Variants in HSDL2 observed in about 807,000 individuals in gnomAD.
HSDL2 encodes hydroxysteroid dehydrogenase-like protein 2.
In HSDL2, 27 loss-of-function variants were observed where a neutral mutation model predicts 46.3. The ratio of observed to expected loss-of-function variants is 0.58; its 90% CI spans 0.43 to 0.80. The LOEUF (loss-of-function observed/expected upper bound fraction) is 0.80, where lower values mean the gene tolerates loss of function less well. Ranked by LOEUF, HSDL2 falls within the 30% of genes least tolerant of loss-of-function variation. The probability of loss-of-function intolerance (pLI) is 0.00; values close to 1 mark genes in which losing one functional copy is unlikely to be tolerated. For synonymous variants in HSDL2, 153 were observed against 163.6 expected, an observed-to-expected ratio of 0.94 and a Z score of 0.50; for missense variants, 451 against 502.7, an observed-to-expected ratio of 0.90 and a Z score of 0.98.
At chr9:112,466,093 T>C (rs1346680832) in intron 10 of HSDL2, among the ~76,000 whole-genome samples, 1 of 152,230 alleles carries the variant, frequency 6.6e-6, no homozygotes, top group East Asian at 1.9e-4. Context: ...ATTGCCACCC[T>C]AGTGGATGTG....
Position 112,408,964 on chromosome 9 carries a change from C to CA in HSDL2, c.339dup (p.Pro114ThrfsTer21), listed in dbSNP as rs779928739. 6.2e-7 allele frequency: 1 copy of CA among 1,609,156 alleles called. No homozygotes were observed. The highest frequency in any genetic ancestry group is 8.5e-7 in the Non-Finnish European group (1 of 1,176,836). On this transcript the variant is annotated frameshift_variant, in exon 4 of 11. Coordinates refer to ENST00000398805, the MANE Select transcript of HSDL2 (RefSeq NM_032303.5). LOFTEE classifies it high-confidence loss of function. ...ATTAGTTTGACCAATACATTGGACA[C>CA]ACCTACCAAGAGATTGGATCTGATG...
intron 10 of HSDL2, among the ~76,000 whole-genome samples, chr9:112,469,362 T>G (rs570108384): frequency 9.9e-5 from 15 of 152,130 alleles, no homozygotes; most frequent in African/African-American, 3.6e-4. Flanking sequence ...CTAGAAGATA[T>G]GTCATCTATA....
At chr9:112,434,658 G>A (rs1451851598) in intron 6 of HSDL2, among the ~76,000 whole-genome samples, 4 of 152,186 alleles carry the variant, frequency 2.6e-5, no homozygotes, top group Non-Finnish European at 5.9e-5. Context: ...ATACACACAT[G>A]AGTGTGTGGA....
intron 8 of HSDL2, among the ~76,000 whole-genome samples, chr9:112,448,722 T>TAA (rs1564128506): frequency 5.9e-5 from 9 of 151,676 alleles, no homozygotes; most frequent in African/African-American, 1.5e-4. Context: ...TTTTTTTTTT[T>TAA]ATTTTTTTAT....
rs1238772697 is a variant in HSDL2 at position 112,471,344 on chromosome 9, T to C, written c.*800T>C. The C allele has an allele frequency of 6.6e-6, 1 of 152,182 alleles. No homozygotes were observed. The highest frequency in any genetic ancestry group is 1.5e-5 in the Non-Finnish European group (1 of 68,052). 9.4% of individuals were successfully genotyped at this position (152,182 alleles called of 1,614,324 possible). A position where few individuals can be genotyped will look rare whatever the true frequency, so the allele number is the denominator to read the frequency against. ...TGTGACTGTTCGGAGATGAGGCCTT[T>C]AAAGAGGTGACTTAAGTTCAAAGGA... is the stretch of plus-strand genomic sequence containing the variant. On this transcript the variant is annotated 3_prime_UTR_variant, in exon 11 of 11. Transcript: ENST00000398805.
rs1831707486 is a variant in HSDL2, at chr9:112,405,605, T to G, written c.182-19T>G. ...TTTAAATGCTTTAACGCTTTTTCAT[T>G]TTGTATCCTTTATATAAGTTGAAGC... On this transcript the variant is annotated intron_variant, in intron 2 of 10. Coordinates refer to ENST00000398805, the MANE Select transcript of HSDL2 (RefSeq NM_032303.5). The G allele has an allele frequency of 6.5e-7, 1 of 1,539,866 alleles. No individual in the cohort carries two copies. Among genetic ancestry groups the G allele is most frequent in the Non-Finnish European group, 8.9e-7 (1 of 1,124,062 alleles).
chr9:112,401,612 G>T (rs1317562210), intron 1 of HSDL2, among the ~76,000 whole-genome samples: 2 of 152,030 alleles, frequency 1.3e-5, no homozygotes, highest in African/African-American at 2.4e-5. Context: ...TTTGGCCTGG[G>T]GCCATAGTTT....
chr9:112,381,110 CACACACAT>C (rs961490406), intron 1 of HSDL2, among the ~76,000 whole-genome samples: 6 of 152,070 alleles, frequency 3.9e-5, no homozygotes, highest in African/African-American at 1.2e-4. Context: ...CACACACACA[CACACACAT>C]ACCCTTTCTT....
chr9:112,388,006 A>T (rs1381344559), intron 1 of HSDL2, among the ~76,000 whole-genome samples: 2 of 152,026 alleles, frequency 1.3e-5, no homozygotes, highest in Non-Finnish European at 2.9e-5. Flanking sequence ...AAAAAATAAA[A>T]AAATTAGCTG....
In HSDL2 at chr9:112,385,653, AT is replaced by A. The variant is rs562750955; in HGVS notation, c.17+5486del. ...AGGCACCTGCCACCACGCCTGGCCGATTTTTTTTTTTTTGTATTTTTAGTAG... is the reference window on the plus strand; with the variant it reads ...AGGCACCTGCCACCACGCCTGGCCGATTTTTTTTTTTTGTATTTTTAGTAG... On this transcript the variant is annotated intron_variant, in intron 1 of 10. Coordinates refer to ENST00000398805, the MANE Select transcript of HSDL2 (RefSeq NM_032303.5). Among the ~76,000 whole-genome samples, 358 of 144,000 alleles carry A rather than the reference AT, an allele frequency of 2.5e-3. 1 individual carries two copies. The highest frequency in any genetic ancestry group is 0.014 in the East Asian group (67 of 4,952). The allele number at this position is 144,000 out of a possible 152,430, so 94.5% of individuals were successfully genotyped here.
chr9:112,401,813 A>G (rs778931107), intron 1 of HSDL2, among the ~76,000 whole-genome samples: 1 of 152,156 alleles, frequency 6.6e-6, no homozygotes, highest in Non-Finnish European at 1.5e-5. Flanking sequence ...ACTACTGTTC[A>G]TTTTAATTTT....
At chr9:112,454,293 G>T in intron 9 of HSDL2, 131 bp downstream of exon 9, 4 of 658,388 alleles carry the variant, frequency 6.1e-6, no homozygotes, top group Non-Finnish European at 7.7e-6. Context: ...CTTGAATGTA[G>T]ACATTCAAGA....
chr9:112,383,086 T>G (rs1314876142), intron 1 of HSDL2, among the ~76,000 whole-genome samples: 1 of 152,076 alleles, frequency 6.6e-6, no homozygotes, highest in Non-Finnish European at 1.5e-5. Context: ...CTGTCTTTCT[T>G]TTTTTGAGAT....
chr9:112,469,453 A>C (rs1268925231), intron 10 of HSDL2, among the ~76,000 whole-genome samples: 1 of 151,854 alleles, frequency 6.6e-6, no homozygotes, highest in South Asian at 2.1e-4. Context: ...GCACTCTGGG[A>C]GGCAGGTGGA....
chr9:112,431,987 C>A lies in HSDL2; in HGVS notation c.599-6444C>A, dbSNP rs562643946. ...CTCCGCCTCCCAGGTTCAAGCGATT[C>A]TCCTGCCTCAGCCTCTTGAGTAGCT... is the stretch of plus-strand genomic sequence containing the variant. On this transcript the variant is annotated intron_variant, in intron 6 of 10. Coordinates refer to ENST00000398805, the MANE Select transcript of HSDL2 (RefSeq NM_032303.5). 6.6e-5 allele frequency among the ~76,000 whole-genome samples: 10 copies of A among 151,368 alleles called. No homozygotes were observed. In the East Asian group the frequency reaches 2.0e-3, roughly 30 times the overall value.
chr9:112,449,253 A>AT (rs1832824824), intron 8 of HSDL2, among the ~76,000 whole-genome samples: 1 of 151,558 alleles, frequency 6.6e-6, no homozygotes, highest in Non-Finnish European at 1.5e-5. Context: ...TGCCCAGCTA[A>AT]TTTTTGTATT....
intron 1 of HSDL2, among the ~76,000 whole-genome samples, chr9:112,382,126 T>G (rs1016336433): frequency 4.6e-5 from 7 of 152,166 alleles, no homozygotes; most frequent in Non-Finnish European, 5.9e-5. Context: ...CTGGACCTGG[T>G]AGCGGGCACC....
chr9:112,441,848 C>T, intron 8 of HSDL2, 78 bp downstream of exon 8: 1 of 896,950 alleles, frequency 1.1e-6, no homozygotes, highest in Non-Finnish European at 1.8e-6. Flanking sequence ...GGAATTGATC[C>T]TATAACAGTG....
chr9:112,381,607 G>A lies in HSDL2; in HGVS notation c.17+1427G>A, dbSNP rs545142450. Among the ~76,000 whole-genome samples the A allele has an allele frequency of 9.0e-4, 137 of 152,172 alleles. No homozygotes were observed. In the Middle Eastern group the frequency reaches 0.017, roughly 19 times the overall value. On this transcript the variant is annotated intron_variant, in intron 1 of 10. Transcript: ENST00000398805. ...ATGACCTCGTGATCCGTCTGCCTCG[G>A]CCTCCCAAAGTGCTGGGATTACAGG...
Sources: allele counts gnomAD v4.1 joint callset (sites outside exome capture counted in the v4.1 genomes callset), GRCh38; gene constraint gnomAD v4.1.1; transcripts MANE v1.5; gene names NCBI Gene and HGNC (gene_info 2026-07-23, HGNC 2026-07-21).